Variants in KCNJ12 observed in about 807,000 individuals in gnomAD.
KCNJ12 encodes the protein ATP-sensitive inward rectifier potassium channel 12.
In KCNJ12, 2 loss-of-function variants were observed where a neutral mutation model predicts 22.3. The ratio of observed to expected loss-of-function variants is 0.09; its 90% CI spans 0.04 to 0.28. The LOEUF (loss-of-function observed/expected upper bound fraction) is 0.28, where lower values mean the gene tolerates loss of function less well. Ranked by LOEUF, KCNJ12 falls within the 10% of genes least tolerant of loss-of-function variation. The probability of loss-of-function intolerance (pLI) is 1.00; values close to 1 mark genes in which losing one functional copy is unlikely to be tolerated. For synonymous variants in KCNJ12, 117 were observed against 261.4 expected, an observed-to-expected ratio of 0.45 and a Z score of 5.33; for missense variants, 155 against 633.3, an observed-to-expected ratio of 0.24 and a Z score of 8.11.
chr17:21,414,580 T>G (rs1311055065), intron 2 of KCNJ12, among the ~76,000 whole-genome samples: 1 of 152,298 alleles, frequency 6.6e-6, no homozygotes, highest in African/African-American at 2.4e-5. Flanking sequence ...TACGTTATTG[T>G]TATTGCTGCC....
intron 1 of KCNJ12, chr17:21,405,166 A>G (rs1195088971): frequency 6.5e-6 from 1 of 152,834 alleles, no homozygotes; most frequent in Non-Finnish European, 1.5e-5. Flanking sequence ...GGGCACAGCC[A>G]GCTTTCCGTC....
chr17:21,400,885 A>G, intron 1 of KCNJ12, among the ~76,000 whole-genome samples: 1 of 152,298 alleles, frequency 6.6e-6, no homozygotes, highest in Admixed American at 6.5e-5. Flanking sequence ...CTAACTAGCA[A>G]GACCCGGTGG....
intron 2 of KCNJ12, among the ~76,000 whole-genome samples, chr17:21,413,651 C>T (rs1906508144): frequency 6.6e-6 from 1 of 152,306 alleles, no homozygotes; most frequent in Non-Finnish European, 1.5e-5. Context: ...GCCATAGCCC[C>T]TAGCTTGCAG....
At chr17:21,391,539 C>T (rs928096409) in intron 1 of KCNJ12, among the ~76,000 whole-genome samples, 1 of 152,250 alleles carries the variant, frequency 6.6e-6, no homozygotes, top group Non-Finnish European at 1.5e-5. Context: ...CCTGGTTTGT[C>T]TGAACCTGTG....
At chr17:21,403,940 C>T (rs1198438261) in intron 1 of KCNJ12, among the ~76,000 whole-genome samples, 2 of 152,298 alleles carry the variant, frequency 1.3e-5, no homozygotes, top group African/African-American at 4.8e-5. Flanking sequence ...TTCAAGCTCT[C>T]TTATGGCCCT....
intron 2 of KCNJ12, among the ~76,000 whole-genome samples, chr17:21,410,712 G>T (rs1275827061): frequency 6.6e-6 from 1 of 152,270 alleles, no homozygotes; most frequent in African/African-American, 2.4e-5. Flanking sequence ...ACACAGTCAG[G>T]CCTCAGGTCT....
intron 1 of KCNJ12, among the ~76,000 whole-genome samples, chr17:21,379,072 T>C (rs1904774444): frequency 6.6e-6 from 1 of 152,094 alleles, no homozygotes; most frequent in African/African-American, 2.4e-5. Flanking sequence ...CATCCCTGGG[T>C]CTCCTTGAAG....
At chr17:21,386,531 T>C (rs896353318) in intron 1 of KCNJ12, among the ~76,000 whole-genome samples, 5 of 152,150 alleles carry the variant, frequency 3.3e-5, no homozygotes, top group Non-Finnish European at 5.9e-5. Flanking sequence ...TTTTTTGATA[T>C]GGAGTCTCGC....
intron 1 of KCNJ12, among the ~76,000 whole-genome samples, chr17:21,405,614 G>C (rs1350805019): frequency 2.6e-5 from 4 of 152,294 alleles, no homozygotes. Flanking sequence ...CTCAGCCCAG[G>C]CCCTGCCCTC....
chr17:21,379,299 G>A (rs1179233873), intron 1 of KCNJ12, among the ~76,000 whole-genome samples: 10 of 152,212 alleles, frequency 6.6e-5, no homozygotes, highest in African/African-American at 1.7e-4. Context: ...TGGCTGGGGC[G>A]GAAGTGAGTG....
At chr17:21,386,667 C>G (rs1450850146) in intron 1 of KCNJ12, among the ~76,000 whole-genome samples, 1 of 152,026 alleles carries the variant, frequency 6.6e-6, no homozygotes, top group African/African-American at 2.4e-5. Flanking sequence ...GCCACCACGC[C>G]CAGCTAATAT....
chr17:21,415,453 C>A lies in KCNJ12; in HGVS notation c.111C>A (p.His37Gln). The A allele has an allele frequency of 6.2e-7, 1 of 1,614,078 alleles. No individual in the cohort carries two copies. Among genetic ancestry groups the A allele is most frequent in the Non-Finnish European group, 8.5e-7 (1 of 1,180,046 alleles). Reference protein sequence around the residue: ...GANGFGNGKVHTRRRCRNRFV... With the variant: ...GANGFGNGKVQTRRRCRNRFV... ...ACGGCTTCGGCAACGGCAAGGTGCA[C>A]ACGCGGCGCAGGTGCCGCAACCGCT... The change falls in exon 3 of 3, where the codon CAC becomes CAA. Residue 37 changes from histidine to glutamine, a missense_variant. Transcript: ENST00000583088.
At chr17:21,410,880 T>G (rs1437472263) in intron 2 of KCNJ12, among the ~76,000 whole-genome samples, 1 of 152,312 alleles carries the variant, frequency 6.6e-6, no homozygotes, top group Non-Finnish European at 1.5e-5. Context: ...AGGGATTAAA[T>G]GAATCAGTTT....
At chr17:21,397,371 G>A (rs1345269021) in intron 1 of KCNJ12, among the ~76,000 whole-genome samples, 2 of 152,216 alleles carry the variant, frequency 1.3e-5, no homozygotes, top group Non-Finnish European at 2.9e-5. Flanking sequence ...GCCTGAGATC[G>A]CTGCCGTGTG....
At chr17:21,407,755 T>TC (rs1906052287) in intron 1 of KCNJ12, among the ~76,000 whole-genome samples, 2 of 148,858 alleles carry the variant, frequency 1.3e-5, no homozygotes, top group Non-Finnish European at 3.0e-5. Context: ...ATCCATCCAT[T>TC]CATCCATCCA....
chr17:21,388,296 C>T (rs1270066851), intron 1 of KCNJ12, among the ~76,000 whole-genome samples: 2 of 152,110 alleles, frequency 1.3e-5, no homozygotes, highest in South Asian at 4.1e-4. Flanking sequence ...GACGCCTGAG[C>T]GGGGCGTTGG....
chr17:21,379,125 T>A (rs1904775340), intron 1 of KCNJ12, among the ~76,000 whole-genome samples: 1 of 152,142 alleles, frequency 6.6e-6, no homozygotes, highest in Non-Finnish European at 1.5e-5. Context: ...AGCAAAATAA[T>A]AATGACAGCA....
intron 1 of KCNJ12, among the ~76,000 whole-genome samples, chr17:21,386,466 C>T (rs1555558645): frequency 6.6e-6 from 1 of 152,170 alleles, no homozygotes; most frequent in East Asian, 1.9e-4. Flanking sequence ...AGATGTGCAC[C>T]ACTATGCCTG....
At chr17:21,378,182 C>G (rs1206962159) in intron 1 of KCNJ12, among the ~76,000 whole-genome samples, 1 of 152,214 alleles carries the variant, frequency 6.6e-6, no homozygotes, top group African/African-American at 2.4e-5. Context: ...CGGCTGGACC[C>G]CAGCCTCCCT....
Sources: gnomAD v4.1 joint callset for allele counts (sites outside exome capture counted in the v4.1 genomes callset) on GRCh38, gnomAD v4.1.1 for gene constraint, MANE v1.5 for transcripts, NCBI Gene and HGNC (gene_info 2026-07-23, HGNC 2026-07-21) for gene names.